SMOC1: variants seen among roughly 807,000 people sequenced by gnomAD.
SMOC1 encodes SPARC related modular calcium binding 1, also known as SPARC-related modular calcium-binding protein 1.
In SMOC1, 22 loss-of-function variants were observed where a neutral mutation model predicts 56.3. The observed-to-expected ratio is 0.39, with a 90% confidence interval of 0.28 to 0.56. The LOEUF is 0.56. Ranked by LOEUF, SMOC1 falls within the 20% of genes least tolerant of loss-of-function variation. The pLI, the probability that SMOC1 is intolerant of heterozygous loss-of-function variation, is 0.61. For missense variants in SMOC1, 509 were observed against 565.4 expected (o/e 0.90, Z 1.01); for synonymous variants, 193 against 215.0 (o/e 0.90, Z 0.89).
intron 10 of SMOC1, among the ~76,000 whole-genome samples, chr14:70,019,748 G>A (rs944378507): frequency 2.0e-5 from 3 of 152,140 alleles, no homozygotes; most frequent in Admixed American, 1.3e-4. Context: ...AGGCCTCCCT[G>A]CTCCATGCCT....
At chr14:69,922,098 G>A (rs1884861976) in intron 1 of SMOC1, among the ~76,000 whole-genome samples, 2 of 152,248 alleles carry the variant, frequency 1.3e-5, no homozygotes, top group Admixed American at 1.3e-4. Context: ...CAGCTCAGCG[G>A]TCATGATACA....
intron 5 of SMOC1, among the ~76,000 whole-genome samples, chr14:69,990,159 G>T (rs1458752817): frequency 6.6e-6 from 1 of 152,156 alleles, no homozygotes; most frequent in Non-Finnish European, 1.5e-5. Flanking sequence ...CTGCAAAAGG[G>T]CAAAGCTTCC....
intron 7 of SMOC1, among the ~76,000 whole-genome samples, 156 bp downstream of exon 7, chr14:69,994,636 C>A (rs970846393): frequency 2.0e-5 from 3 of 152,096 alleles, no homozygotes; most frequent in African/African-American, 7.2e-5. Flanking sequence ...TAAGTTAATC[C>A]CTTCCAACTT....
intron 1 of SMOC1, among the ~76,000 whole-genome samples, chr14:69,889,421 C>T (rs781500499): frequency 5.9e-5 from 9 of 152,314 alleles, no homozygotes; most frequent in Non-Finnish European, 1.2e-4. Context: ...CATGTGTCAC[C>T]ATCTTCCCTG....
chr14:69,933,048 A>T (rs1885207533), intron 1 of SMOC1, among the ~76,000 whole-genome samples: 1 of 152,104 alleles, frequency 6.6e-6, no homozygotes, highest in Non-Finnish European at 1.5e-5. Flanking sequence ...AGGGTGACAT[A>T]CATTATGGGG....
chr14:69,880,838 T>C (rs1883618725), intron 1 of SMOC1, among the ~76,000 whole-genome samples: 1 of 152,238 alleles, frequency 6.6e-6, no homozygotes, highest in African/African-American at 2.4e-5. Context: ...CCTGTTCAGA[T>C]TGCAGGTTGT....
chr14:70,003,870 C>A (rs1030559896), intron 7 of SMOC1, among the ~76,000 whole-genome samples: 1 of 152,144 alleles, frequency 6.6e-6, no homozygotes, highest in Non-Finnish European at 1.5e-5. Context: ...ATTTTTCTGG[C>A]CTCTCCAGCA....
intron 10 of SMOC1, among the ~76,000 whole-genome samples, chr14:70,014,884 C>G (rs1193906804): frequency 6.6e-6 from 1 of 152,224 alleles, no homozygotes; most frequent in Non-Finnish European, 1.5e-5. Context: ...AGCATAGCTC[C>G]CTCAGTGGTG....
At chr14:69,906,109 C>T (rs1284463622) in intron 1 of SMOC1, among the ~76,000 whole-genome samples, 1 of 152,112 alleles carries the variant, frequency 6.6e-6, no homozygotes, top group Non-Finnish European at 1.5e-5. Flanking sequence ...TTGCATTTTC[C>T]AAAGATGGCT....
In SMOC1 at chr14:70,023,238, A is replaced by G. The variant is rs780805039; in HGVS notation, c.1082A>G (p.Glu361Gly). The change falls in exon 11 of 12, where the codon GAG becomes GGG. Residue 361 changes from glutamate (E) to glycine (G), a missense_variant. Physicochemically the swap from Glu to Gly is moderately conservative, Grantham distance 98. Around this residue, in one of 3 missense-constraint regions of SMOC1, gnomAD observed 176 missense variants for 188.1 expected, o/e 0.94. Coordinates refer to ENST00000361956, the MANE Select transcript of SMOC1 (RefSeq NM_001034852.3). The part of the protein sequence containing the change: ...SEPDPSHTLE[E>G]RVVHWYFSQL... Reference sequence around the variant, plus strand: ...CCAGACCCCAGCCACACCCTGGAGGAGCGGGTAGTGCACTGGTATTTCAGC... The same window carrying G: ...CCAGACCCCAGCCACACCCTGGAGGGGCGGGTAGTGCACTGGTATTTCAGC... 1.2e-6 allele frequency: 2 copies of G among 1,613,894 alleles called. No homozygotes were observed. Among genetic ancestry groups the G allele is most frequent in the African/African-American group, 2.7e-5 (2 of 74,842 alleles).
At chr14:69,881,530 C>T (rs1018440025) in intron 1 of SMOC1, among the ~76,000 whole-genome samples, 2 of 152,084 alleles carry the variant, frequency 1.3e-5, no homozygotes, top group East Asian at 3.9e-4. Context: ...CCTTCCAGCT[C>T]CTCTAGTTTA....
rs755729025 is a variant in SMOC1 at position 70,023,447 on chromosome 14, G to A, written c.1291G>A (p.Val431Ile). The A allele has an allele frequency of 3.1e-5, 50 of 1,613,872 alleles. No individual in the cohort carries two copies. The highest frequency in any genetic ancestry group is 3.6e-5 in the Non-Finnish European group (42 of 1,180,030). ...GGGCTGCCTGGGTGTTAGCAAAGAAGGTGAGTGCTCTCCCCTGTGCTCCTG... is the reference window on the plus strand; with the variant it reads ...GGGCTGCCTGGGTGTTAGCAAAGAAAGTGAGTGCTCTCCCCTGTGCTCCTG... ...LKGCLGVSKE[V>I]GRLV Residue 431 changes from valine to isoleucine, a missense_variant and splice_region_variant, in exon 11 of 12, where the codon GTA becomes ATA. Around this residue, in one of 3 missense-constraint regions of SMOC1, gnomAD observed 176 missense variants for 188.1 expected, o/e 0.94. Transcript: ENST00000361956.
intron 3 of SMOC1, among the ~76,000 whole-genome samples, chr14:69,955,153 G>A (rs1883139689): frequency 1.3e-5 from 2 of 152,150 alleles, no homozygotes; most frequent in Non-Finnish European, 2.9e-5. Flanking sequence ...TGTGGGATGT[G>A]GAGTGGCAGA....
chr14:69,926,532 G>A (rs1301042535), intron 1 of SMOC1, among the ~76,000 whole-genome samples: 5 of 152,204 alleles, frequency 3.3e-5, no homozygotes, highest in Non-Finnish European at 5.9e-5. Flanking sequence ...CTGCTAAAGC[G>A]CTTCTCTCTT....
chr14:69,991,194 G>A (rs993672209), intron 5 of SMOC1, among the ~76,000 whole-genome samples: 1 of 152,072 alleles, frequency 6.6e-6, no homozygotes, highest in Admixed American at 6.5e-5. Context: ...GACCTCTAAG[G>A]GGTCTTGAGA....
intron 1 of SMOC1, among the ~76,000 whole-genome samples, chr14:69,938,032 C>T (rs1263375047): frequency 6.6e-6 from 1 of 152,166 alleles, no homozygotes; most frequent in East Asian, 1.9e-4. Flanking sequence ...GTGGATAAAG[C>T]ATTTCTTCCT....
rs544015097 is a variant in SMOC1, at chr14:69,965,377, A to AAATAATAATAAT, written c.379-10320_379-10309dup. Reference sequence around the variant, plus strand: ...GCCTGGGTGACAGAGCAAGACTCTCAAATAATAATAATAATAATAATAATA... The same window carrying AAATAATAATAAT: ...GCCTGGGTGACAGAGCAAGACTCTCAAATAATAATAATAATAATAATAATAATAATAATAATA... On this transcript the variant is annotated intron_variant, in intron 3 of 11. Coordinates refer to ENST00000361956, the MANE Select transcript of SMOC1 (RefSeq NM_001034852.3). Among the ~76,000 whole-genome samples the AAATAATAATAAT allele has an allele frequency of 2.9e-3, 330 of 113,918 alleles. 1 individual carries two copies. The highest frequency in any genetic ancestry group is 0.028 in the Middle Eastern group (7 of 252). 74.7% of individuals were successfully genotyped at this position (113,918 alleles called of 152,430 possible). A position where few individuals can be genotyped will look rare whatever the true frequency, so the allele number is the denominator to read the frequency against.
intron 7 of SMOC1, among the ~76,000 whole-genome samples, chr14:70,004,510 C>T (rs895883880): frequency 6.6e-6 from 1 of 152,224 alleles, no homozygotes; most frequent in African/African-American, 2.4e-5. Flanking sequence ...AAGGAATTCC[C>T]TCTCCAGACT....
At chr14:69,944,380 G>T (rs2219531) in intron 1 of SMOC1, among the ~76,000 whole-genome samples, 36,951 of 151,868 alleles carry the variant, frequency 0.24, 5,217 homozygotes, top group East Asian at 0.39. Flanking sequence ...AGGTAGGAAG[G>T]AGCTGCAGAG....
Sources: gnomAD v4.1 joint callset for allele counts (sites outside exome capture counted in the v4.1 genomes callset) on GRCh38, gnomAD v4.1.1 for gene constraint, gnomAD v4.1.1 regional missense constraint, MANE v1.5 for transcripts, NCBI Gene and HGNC (gene_info 2026-07-23, HGNC 2026-07-21) for gene names.